Variants in LPP observed in about 807,000 individuals in gnomAD.
LPP encodes LIM domain containing preferred translocation partner in lipoma, also known as lipoma-preferred partner.
In LPP, 38 loss-of-function variants were observed where a neutral mutation model predicts 60.4. That is an observed-to-expected ratio of 0.63 (90% CI 0.49 to 0.83). The LOEUF (loss-of-function observed/expected upper bound fraction) is 0.83. Among genes scored for constraint, LPP ranks in the 40% least tolerant of loss-of-function variants. The probability of loss-of-function intolerance (pLI) is 0.00; values close to 1 mark genes in which losing one functional copy is unlikely to be tolerated. For missense variants in LPP, 902 were observed against 783.6 expected (o/e 1.15, Z -1.80); for synonymous variants, 328 against 290.8 (o/e 1.13, Z -1.30).
At chr3:188,454,992 A>G (rs1299928544) in intron 4 of LPP, among the ~76,000 whole-genome samples, 1 of 152,212 alleles carries the variant, frequency 6.6e-6, no homozygotes, top group Admixed American at 6.5e-5. Flanking sequence ...TAGTGTAGTG[A>G]GCATTTGGAG....
intron 9 of LPP, among the ~76,000 whole-genome samples, chr3:188,808,437 G>A (rs984454674): frequency 9.9e-5 from 15 of 152,024 alleles, no homozygotes; most frequent in Admixed American, 6.6e-5. Flanking sequence ...GCCTCTCCCC[G>A]GGACTAAAAT....
chr3:188,669,437 G>C (rs367713888), intron 7 of LPP, among the ~76,000 whole-genome samples: 2 of 152,030 alleles, frequency 1.3e-5, no homozygotes, highest in Admixed American at 6.5e-5. Flanking sequence ...TTAGCTGGGC[G>C]TGGTGGCGGG....
chr3:188,166,564 GTTA>G (rs1720014134), intron 1 of LPP, among the ~76,000 whole-genome samples: 1 of 152,156 alleles, frequency 6.6e-6, no homozygotes, highest in Non-Finnish European at 1.5e-5. Context: ...CCTGCGGATG[GTTA>G]TTATTATTGT....
intron 2 of LPP, among the ~76,000 whole-genome samples, chr3:188,313,787 A>C (rs1436086372): frequency 4.6e-5 from 7 of 152,182 alleles, no homozygotes; most frequent in Admixed American, 2.0e-4. Context: ...CCATTTGTTG[A>C]AACCTTCTTT....
intron 2 of LPP, among the ~76,000 whole-genome samples, chr3:188,272,921 C>T (rs758133089): frequency 6.6e-6 from 1 of 152,104 alleles, no homozygotes; most frequent in Non-Finnish European, 1.5e-5. Flanking sequence ...CTTGTTAGAC[C>T]CTGCTAATGG....
At chr3:188,805,566 T>C (rs953877295) in intron 9 of LPP, among the ~76,000 whole-genome samples, 3 of 151,872 alleles carry the variant, frequency 2.0e-5, no homozygotes, top group African/African-American at 7.2e-5. Context: ...TTCACTGAGA[T>C]TTTCTCTATT....
At chr3:188,171,718 TA>T (rs1305491522) in intron 1 of LPP, among the ~76,000 whole-genome samples, 2 of 152,192 alleles carry the variant, frequency 1.3e-5, no homozygotes, top group African/African-American at 4.8e-5. Flanking sequence ...GTCCATGAGG[TA>T]TATTATCAAT....
At chr3:188,720,197 C>A (rs558130284) in intron 8 of LPP, among the ~76,000 whole-genome samples, 1 of 152,310 alleles carries the variant, frequency 6.6e-6, no homozygotes, top group Admixed American at 6.5e-5. Context: ...AGGCGTGAGC[C>A]ACTGCACCTG....
intron 2 of LPP, among the ~76,000 whole-genome samples, chr3:188,261,233 C>T (rs970710156): frequency 6.6e-6 from 1 of 152,114 alleles, no homozygotes; most frequent in African/African-American, 2.4e-5. Context: ...ACTGTAGCTG[C>T]GAACTTCTGG....
rs1220663798 is a variant in LPP at position 188,878,957 on chromosome 3, G to A, written c.*4478G>A. 1 of 227,160 alleles carries A rather than the reference G, an allele frequency of 4.4e-6. No individual in the cohort carries two copies. The highest frequency in any genetic ancestry group is 2.2e-5 in the African/African-American group (1 of 45,038). 14.1% of individuals were successfully genotyped at this position (227,160 alleles called of 1,614,324 possible). A position where few individuals can be genotyped will look rare whatever the true frequency, so the allele number is the denominator to read the frequency against. On this transcript the variant is annotated 3_prime_UTR_variant, in exon 12 of 12. Transcript: ENST00000617246. Reference sequence around the variant, plus strand: ...TTTGATTTTACAGTAGTTTTAGTCAGATAATGAGGACAGAGACTTCAACTT... The same window carrying A: ...TTTGATTTTACAGTAGTTTTAGTCAAATAATGAGGACAGAGACTTCAACTT...
At chr3:188,639,385 A>G (rs1237423227) in intron 7 of LPP, among the ~76,000 whole-genome samples, 35 of 151,426 alleles carry the variant, frequency 2.3e-4, no homozygotes, top group African/African-American at 7.3e-4. Flanking sequence ...TTAAAGACTT[A>G]AATGTTAGAC....
At chr3:188,754,181 CA>C (rs1047895587) in intron 8 of LPP, among the ~76,000 whole-genome samples, 3 of 152,130 alleles carry the variant, frequency 2.0e-5, no homozygotes, top group African/African-American at 7.2e-5. Context: ...ATCGGCAACC[CA>C]AAAGAAGCCT....
intron 6 of LPP, among the ~76,000 whole-genome samples, chr3:188,599,841 A>G (rs1840771047): frequency 6.6e-6 from 1 of 150,724 alleles, no homozygotes; most frequent in Non-Finnish European, 1.5e-5. Context: ...TTAGTAGTAT[A>G]TTGGCAGCAA....
chr3:188,168,958 A>G (rs1720793326), intron 1 of LPP, among the ~76,000 whole-genome samples: 1 of 152,210 alleles, frequency 6.6e-6, no homozygotes, highest in African/African-American at 2.4e-5. Flanking sequence ...TCAGTTTGCA[A>G]ACACCACCTC....
chr3:188,522,533 A>T (rs1819163962), intron 5 of LPP, among the ~76,000 whole-genome samples: 1 of 152,066 alleles, frequency 6.6e-6, no homozygotes, highest in African/African-American at 2.4e-5. Context: ...CTTACTGAAC[A>T]CTTATTTGGG....
intron 8 of LPP, among the ~76,000 whole-genome samples, chr3:188,725,034 G>A (rs1717850698): frequency 6.6e-6 from 1 of 152,194 alleles, no homozygotes; most frequent in Non-Finnish European, 1.5e-5. Flanking sequence ...TGTGAATTTT[G>A]CCATTTTATT....
chr3:188,291,352 G>A (rs909529122), intron 2 of LPP, among the ~76,000 whole-genome samples: 26 of 152,200 alleles, frequency 1.7e-4, no homozygotes, highest in Admixed American at 9.8e-4. Flanking sequence ...TATAAGAAAG[G>A]ACATTGGCCG....
rs768127430 is a variant in LPP, at chr3:188,609,293, G to T, written c.562G>T (p.Ala188Ser). ...STLKPQPAPQ[A>S]GPIPVAPIGT... ...ATTGAAACCACAGCCTGCACCCCAG[G>T]CTGGACCCATCCCTGTGGCTCCAAT... is the stretch of plus-strand genomic sequence containing the variant. Residue 188 changes from alanine (A) to serine (S), a missense_variant, in exon 7 of 12, where the codon GCT becomes TCT. Transcript: ENST00000617246. This position sits in a 1 kb window ranked among gnomAD's most constrained non-coding sequence, Gnocchi z 6.9. The T allele has an allele frequency of 8.7e-6, 14 of 1,614,024 alleles. No individual in the cohort carries two copies. Among genetic ancestry groups the T allele is most frequent in the Non-Finnish European group, 1.2e-5 (14 of 1,179,990 alleles).
chr3:188,262,156 G>A (rs1733885644), intron 2 of LPP, among the ~76,000 whole-genome samples: 1 of 152,138 alleles, frequency 6.6e-6, no homozygotes, highest in South Asian at 2.1e-4. Flanking sequence ...GAAGGGGTTT[G>A]AGGCAGTGCA....
Sources: gnomAD v4.1 joint callset for allele counts (sites outside exome capture counted in the v4.1 genomes callset) on GRCh38, gnomAD v4.1.1 for gene constraint, Gnocchi (gnomAD v3.1) non-coding constraint, MANE v1.5 for transcripts, NCBI Gene and HGNC (gene_info 2026-07-23, HGNC 2026-07-21) for gene names.